CDK7: variants seen among roughly 807,000 people sequenced by gnomAD.
The protein encoded by CDK7 is cyclin dependent kinase 7, also known as cyclin-dependent kinase 7.
Under a neutral mutation model 49.1 loss-of-function variants are expected in CDK7, and 25 were observed. The ratio of observed to expected loss-of-function variants is 0.51; its 90% confidence interval spans 0.37 to 0.71. CDK7 has a LOEUF of 0.71. Among genes scored for constraint, CDK7 ranks in the 30% least tolerant of loss-of-function variants. CDK7 has a pLI of 0.00. For missense variants in CDK7, 316 were observed against 411.7 expected (o/e 0.77, Z 2.01); for synonymous variants, 107 against 140.0 (o/e 0.76, Z 1.67).
intron 3 of CDK7, 115 bp downstream of exon 3, chr5:69,252,566 G>A: frequency 3.1e-6 from 2 of 641,268 alleles, no homozygotes; most frequent in Non-Finnish European, 5.2e-6. Context: ...CTGGAGTACT[G>A]AGACACAATC....
chr5:69,248,138 A>T (rs1416660959), intron 2 of CDK7, among the ~76,000 whole-genome samples: 1 of 152,106 alleles, frequency 6.6e-6, no homozygotes, highest in African/African-American at 2.4e-5. Context: ...GTGTTTATAA[A>T]ATCTCTCAGC....
At chr5:69,276,410 T>A (rs775207462) in intron 10 of CDK7, 133 bp from the exon 11 acceptor site, 4 of 715,804 alleles carry the variant, frequency 5.6e-6, no homozygotes, top group Non-Finnish European at 9.6e-6. Flanking sequence ...TACTTGACAT[T>A]AATTTTGTTT....
chr5:69,276,484 T>G, intron 10 of CDK7, 59 bp from the exon 11 acceptor site: 1 of 1,499,916 alleles, frequency 6.7e-7, no homozygotes, highest in South Asian at 1.1e-5. Flanking sequence ...AGGTAAGATT[T>G]TCCTTAACAC....
intron 8 of CDK7, among the ~76,000 whole-genome samples, chr5:69,263,769 G>A (rs564093634): frequency 6.6e-6 from 1 of 152,282 alleles, no homozygotes; most frequent in African/African-American, 2.4e-5. Context: ...GAAGAAAACA[G>A]AATTCCATAG....
At chr5:69,248,524 G>A (rs1458587913) in intron 2 of CDK7, among the ~76,000 whole-genome samples, 1 of 151,954 alleles carries the variant, frequency 6.6e-6, no homozygotes, top group Non-Finnish European at 1.5e-5. Flanking sequence ...AAGTAGCTGG[G>A]ATTATAGTCA....
Position 69,252,461 on chromosome 5 carries a change from T to C in CDK7, c.160+10T>C. 1 of 1,493,292 alleles carries C rather than the reference T, an allele frequency of 6.7e-7. No individual in the cohort carries two copies. The highest frequency in any genetic ancestry group is 9.1e-7 in the Non-Finnish European group (1 of 1,100,340). 92.5% of individuals were successfully genotyped at this position (1,493,292 alleles called of 1,614,324 possible). On this transcript the variant is annotated intron_variant, in intron 3 of 11. Transcript: ENST00000256443. Reference sequence around the variant, plus strand: ...TCAGAAGCTAAAGATGGTAAGTATTTCATGTAATCTGACAGATAGGAAAAG... The same window carrying C: ...TCAGAAGCTAAAGATGGTAAGTATTCCATGTAATCTGACAGATAGGAAAAG...
rs796527812 is a variant in CDK7, at chr5:69,265,912, AAAAAAAG to A, written c.628-3288_628-3282del. Among the ~76,000 whole-genome samples the A allele has an allele frequency of 1.6e-3, 250 of 152,002 alleles. 1 individual carries two copies. Among genetic ancestry groups the A allele is most frequent in the African/African-American group, 5.8e-3 (242 of 41,504 alleles). On this transcript the variant is annotated intron_variant, in intron 8 of 11. Coordinates refer to ENST00000256443, the MANE Select transcript of CDK7 (RefSeq NM_001799.4). The stretch of plus-strand genomic sequence containing the variant: ...GTGACAGAGCAAGACACTAGCTAAA[AAAAAAAG>A]AAAAAAAGAAATCAAGAAATTAGCC...
chr5:69,254,649 A>G lies in CDK7; in HGVS notation c.208A>G (p.Ser70Gly). 1 of 1,538,764 alleles carries G rather than the reference A, an allele frequency of 6.5e-7. No homozygotes were observed. The highest frequency in any genetic ancestry group is 9.0e-7 in the Non-Finnish European group (1 of 1,111,478). ...LREIKLLQEL[S>G]HPNIIGLLDA... ...AGAGATAAAATTATTACAGGAGCTA[A>G]GTCATCCAAATATAATTGGTGTGAG... The change falls in exon 4 of 12, where the codon AGT (serine) becomes GGT (glycine). Residue 70 changes from serine to glycine, a missense_variant. Ser to Gly is a moderately conservative substitution (Grantham distance 56, BLOSUM62 0). Transcript: ENST00000256443.
chr5:69,247,538 T>C (rs559581558), intron 2 of CDK7, among the ~76,000 whole-genome samples: 1 of 151,786 alleles, frequency 6.6e-6, no homozygotes, highest in Non-Finnish European at 1.5e-5. Flanking sequence ...ATTCAGTCAC[T>C]CTGTGTCTTA....
chr5:69,257,674 G>C (rs769376274), intron 5 of CDK7, among the ~76,000 whole-genome samples: 1 of 152,192 alleles, frequency 6.6e-6, no homozygotes, highest in Non-Finnish European at 1.5e-5. Flanking sequence ...CCTGGGTCAT[G>C]TGCCTACCTC....
At chr5:69,240,179 G>T (rs1352723606) in intron 2 of CDK7, among the ~76,000 whole-genome samples, 2 of 151,704 alleles carry the variant, frequency 1.3e-5, no homozygotes, top group African/African-American at 4.8e-5. Context: ...GGGTTTGTTT[G>T]TTTTTTTTCC....
intron 9 of CDK7, among the ~76,000 whole-genome samples, chr5:69,270,265 G>C (rs557882116): frequency 6.6e-6 from 1 of 151,930 alleles, no homozygotes; most frequent in Admixed American, 6.6e-5. Flanking sequence ...GTGAGACTTC[G>C]TGTCTATAAA....
intron 1 of CDK7, 171 bp from the exon 2 acceptor site, chr5:69,235,221 CCT>C (rs904350062): frequency 2.7e-6 from 2 of 749,218 alleles, no homozygotes; most frequent in Non-Finnish European, 4.6e-6. Context: ...CCCTGAGGGG[CCT>C]CTCCTTGCTG....
intron 6 of CDK7, 62 bp from the exon 7 acceptor site, chr5:69,259,756 G>T: frequency 1.0e-6 from 1 of 962,752 alleles, no homozygotes; most frequent in South Asian, 1.4e-5. Context: ...CCAACTAAAT[G>T]TAGCACTACA....
intron 2 of CDK7, among the ~76,000 whole-genome samples, chr5:69,240,421 T>C (rs1047548720): frequency 1.3e-5 from 2 of 152,202 alleles, no homozygotes; most frequent in Non-Finnish European, 2.9e-5. Flanking sequence ...ATTTTAGAGA[T>C]GCTTACTTAA....
intron 8 of CDK7, among the ~76,000 whole-genome samples, chr5:69,264,535 T>C (rs1391917202): frequency 6.6e-6 from 1 of 151,942 alleles, no homozygotes; most frequent in African/African-American, 2.4e-5. Flanking sequence ...AGATGGACTA[T>C]AGTAGAGAAA....
chr5:69,272,636 T>G (rs1016087188), intron 9 of CDK7, among the ~76,000 whole-genome samples: 1 of 152,118 alleles, frequency 6.6e-6, no homozygotes, highest in African/African-American at 2.4e-5. Context: ...TTTTTCTTTT[T>G]GGGGTGATTA....
intron 2 of CDK7, chr5:69,250,861 T>C (rs1750091098): frequency 2.2e-6 from 1 of 456,708 alleles, no homozygotes; most frequent in East Asian, 6.9e-5. Context: ...TGCTGATTAT[T>C]CAGGGCCCAG....
At chr5:69,246,127 A>AGTTTGTTT (rs546761443) in intron 2 of CDK7, among the ~76,000 whole-genome samples, 1 of 151,554 alleles carries the variant, frequency 6.6e-6, no homozygotes, top group Admixed American at 6.6e-5. Flanking sequence ...CAGGAGTGGA[A>AGTTTGTTT]GTTTGTTTGT....
Sources: allele counts gnomAD v4.1 joint callset (sites outside exome capture counted in the v4.1 genomes callset), GRCh38; gene constraint gnomAD v4.1.1; transcripts MANE v1.5; gene names NCBI Gene and HGNC (gene_info 2026-07-23, HGNC 2026-07-21).